INSM1: variants seen among roughly 807,000 people sequenced by gnomAD.
INSM1 encodes INSM transcriptional repressor 1.
INSM1 carries 11 observed loss-of-function variants against 21.1 expected under a neutral mutation model. The ratio of observed to expected loss-of-function variants is 0.52; its 90% CI spans 0.33 to 0.86. INSM1 has a LOEUF of 0.86. INSM1 is among the 40% of genes least tolerant of loss of function. The probability of loss-of-function intolerance (pLI) is 0.03; values close to 1 mark genes in which losing one functional copy is unlikely to be tolerated. For synonymous variants in INSM1, 473 were observed against 386.1 expected (o/e 1.23, Z -2.64); for missense variants, 843 against 760.1 (o/e 1.11, Z -1.28).
Position 20,370,645 on chromosome 20 carries a change from G to GC in INSM1, c.*850dup, listed in dbSNP as rs1407723417. ...TGATTGCAGATTTTTTTGGCGCGCT[G>GC]CCCCCTCCCCACCCTGCCACTCTTG... On this transcript the variant is annotated 3_prime_UTR_variant, in exon 1 of 1. Coordinates refer to ENST00000310227, the MANE Select transcript of INSM1 (RefSeq NM_002196.3). 6.0e-6 allele frequency: 1 copy of GC among 166,776 alleles called. No homozygotes were observed. The highest frequency in any genetic ancestry group is 2.4e-5 in the African/African-American group (1 of 41,372). The allele number at this position is 166,776 out of a possible 1,614,324, so 10.3% of individuals were successfully genotyped here.
rs1731225265 is a variant in INSM1 at position 20,368,841 on chromosome 20, G to T, written c.574G>T (p.Ala192Ser). ...GGGCCCCGGCCCCCCACTGCCCCCT[G>T]CCGCCGCCCTGCGGCCCCCGGGAAA... is the stretch of plus-strand genomic sequence containing the variant. ...GPGPGPPLPPAAALRPPGKRP... is the reference protein window; with the variant it reads ...GPGPGPPLPPSAALRPPGKRP... The change falls in exon 1 of 1, where the codon GCC (alanine) becomes TCC (serine). Residue 192 changes from alanine to serine, a missense_variant. Transcript: ENST00000310227. The surrounding 1 kb of genome is among the most constrained non-coding windows in gnomAD (Gnocchi z 4.3). 7.8e-7 allele frequency: 1 copy of T among 1,277,010 alleles called. No individual in the cohort carries two copies. The highest frequency in any genetic ancestry group is 1.6e-5 in the African/African-American group (1 of 63,100). 79.1% of individuals were successfully genotyped at this position (1,277,010 alleles called of 1,614,324 possible).
rs1249990516 is a variant in INSM1, at chr20:20,368,212, G to A, written c.-56G>A. On this transcript the variant is annotated 5_prime_UTR_variant, in exon 1 of 1. Coordinates refer to ENST00000310227, the MANE Select transcript of INSM1 (RefSeq NM_002196.3). This position sits in a 1 kb window ranked among gnomAD's most constrained non-coding sequence, Gnocchi z 4.3. ...TGGGCCGGGGGCACTGAGGGCCGCC[G>A]GGGCCGAGCGCGGAGGGGGGACCGA... 7.5e-6 allele frequency: 8 copies of A among 1,061,966 alleles called. No homozygotes were observed. Among genetic ancestry groups the A allele is most frequent in the African/African-American group, 5.1e-5 (3 of 58,494 alleles). 65.8% of individuals were successfully genotyped at this position (1,061,966 alleles called of 1,614,324 possible).
Position 20,368,350 on chromosome 20 carries a change from G to T in INSM1, c.83G>T (p.Arg28Leu). The change falls in exon 1 of 1, where the codon CGC (arginine) becomes CTC (leucine). Residue 28 changes from arginine (R) to leucine (L), a missense_variant. Arg to Leu is a moderately radical substitution (Grantham distance 102). Transcript: ENST00000310227. This position sits in a 1 kb window ranked among gnomAD's most constrained non-coding sequence, Gnocchi z 4.3. ...YRVRGGEDGD[R>L]ALLLSPSCGG... ...GTCCGCGGCGGCGAGGACGGCGACC[G>T]CGCACTGCTGCTCTCGCCCAGCTGC... 1 of 1,238,064 alleles carries T rather than the reference G, an allele frequency of 8.1e-7. No homozygotes were observed. Among genetic ancestry groups the T allele is most frequent in the South Asian group, 1.7e-5 (1 of 59,248 alleles). The allele number at this position is 1,238,064 out of a possible 1,614,324, so 76.7% of individuals were successfully genotyped here.
Position 20,369,992 on chromosome 20 carries a change from T to C in INSM1, c.*192T>C. On this transcript the variant is annotated 3_prime_UTR_variant, in exon 1 of 1. Transcript: ENST00000310227. The surrounding 1 kb of genome is among the most constrained non-coding windows in gnomAD (Gnocchi z 5.6). Reference sequence around the variant, plus strand: ...CCCATACTCTCCTTTTGACTCCTTTTGGAACCCCCACTTTTACGTTGTGTC... The same window carrying C: ...CCCATACTCTCCTTTTGACTCCTTTCGGAACCCCCACTTTTACGTTGTGTC... 1.8e-6 allele frequency: 1 copy of C among 554,310 alleles called. No homozygotes were observed. Among genetic ancestry groups the C allele is most frequent in the Non-Finnish European group, 3.2e-6 (1 of 312,146 alleles). The allele number at this position is 554,310 out of a possible 1,614,324, so 34.3% of individuals were successfully genotyped here.
In INSM1 at chr20:20,368,423, G is replaced by T. The variant is rs1466221425; in HGVS notation, c.156G>T (p.Pro52=). ...EPPAPSPVPG[P]LPPPPPAERA... is the part of the protein sequence containing the mutation. ...CGGCGCCGAGCCCGGTCCCCGGGCC[G>T]CTGCCGCCGCCGCCGCCCGCGGAGC... is the stretch of plus-strand genomic sequence containing the variant. The change falls in exon 1 of 1, where the codon CCG becomes CCT. Residue 52 remains proline, a synonymous_variant. Transcript: ENST00000310227. The surrounding 1 kb of genome is among the most constrained non-coding windows in gnomAD (Gnocchi z 4.3). 1.0e-6 allele frequency: 1 copy of T among 988,966 alleles called. No homozygotes were observed. Among genetic ancestry groups the T allele is most frequent in the African/African-American group, 1.8e-5 (1 of 56,648 alleles). 61.3% of individuals were successfully genotyped at this position (988,966 alleles called of 1,614,324 possible).
Position 20,369,534 on chromosome 20 carries a change from G to A in INSM1, c.1267G>A (p.Ala423Thr). Residue 423 changes from alanine to threonine, a missense_variant, in exon 1 of 1, where the codon GCC becomes ACC. By Grantham distance (58) the Ala-to-Thr change is moderately conservative. Coordinates refer to ENST00000310227, the MANE Select transcript of INSM1 (RefSeq NM_002196.3). This position sits in a 1 kb window ranked among gnomAD's most constrained non-coding sequence, Gnocchi z 5.6. ...GPDEKAPQEA[A>T]GDGEGAGVLG... ...CGACGAGAAGGCGCCCCAGGAGGCGGCCGGCGACGGCGAGGGGGCCGGCGT... is the reference window on the plus strand; with the variant it reads ...CGACGAGAAGGCGCCCCAGGAGGCGACCGGCGACGGCGAGGGGGCCGGCGT... 1 of 1,562,322 alleles carries A rather than the reference G, an allele frequency of 6.4e-7. No individual in the cohort carries two copies. The highest frequency in any genetic ancestry group is 8.6e-7 in the Non-Finnish European group (1 of 1,162,682).
Position 20,368,231 on chromosome 20 carries a change from G to A in INSM1, c.-37G>A. 1 of 1,107,540 alleles carries A rather than the reference G, an allele frequency of 9.0e-7. No individual in the cohort carries two copies. Among genetic ancestry groups the A allele is most frequent in the Non-Finnish European group, 1.1e-6 (1 of 906,248 alleles). 68.6% of individuals were successfully genotyped at this position (1,107,540 alleles called of 1,614,324 possible). ...GCCGCCGGGGCCGAGCGCGGAGGGG[G>A]GACCGAGCCAGTGCCGTGCCCTCGG... On this transcript the variant is annotated 5_prime_UTR_variant, in exon 1 of 1. Coordinates refer to ENST00000310227, the MANE Select transcript of INSM1 (RefSeq NM_002196.3). This position sits in a 1 kb window ranked among gnomAD's most constrained non-coding sequence, Gnocchi z 4.3.
Position 20,369,141 on chromosome 20 carries a change from C to T in INSM1, c.874C>T (p.Arg292Cys). The change falls in exon 1 of 1, where the codon CGT becomes TGT. Residue 292 changes from arginine (R) to cysteine (C), a missense_variant. Coordinates refer to ENST00000310227, the MANE Select transcript of INSM1 (RefSeq NM_002196.3). The surrounding 1 kb of genome is among the most constrained non-coding windows in gnomAD (Gnocchi z 5.6). ...GCAGCACAAATGCTCGCGCATCGTG[C>T]GTGTGGAGTACCGCTGTCCCGAGTG... Reference protein sequence around the residue: ...LAQHKCSRIVRVEYRCPECAK... With the variant: ...LAQHKCSRIVCVEYRCPECAK... The T allele has an allele frequency of 1.3e-6, 2 of 1,586,000 alleles. No individual in the cohort carries two copies. Among genetic ancestry groups the T allele is most frequent in the Admixed American group, 3.4e-5 (2 of 58,456 alleles).
rs2059486606 is a variant in INSM1 at position 20,368,819 on chromosome 20, C to T, written c.552C>T (p.Gly184=). ...GCGCCGAGGCGGCCCGCGGCCCGGG[C>T]CCCGGCCCCCCACTGCCCCCTGCCG... ...SAGAEAARGP[G]PGPPLPPAAA... is the part of the protein sequence containing the mutation. The change falls in exon 1 of 1, where the codon GGC becomes GGT. Residue 184 remains glycine, a synonymous_variant. Transcript: ENST00000310227. This position sits in a 1 kb window ranked among gnomAD's most constrained non-coding sequence, Gnocchi z 4.3. 7 of 1,110,966 alleles carry T rather than the reference C, an allele frequency of 6.3e-6. No homozygotes were observed. The East Asian group carries it at 2.4e-4, about 38-fold the overall frequency. The allele number at this position is 1,110,966 out of a possible 1,614,324, so 68.8% of individuals were successfully genotyped here.
Position 20,369,234 on chromosome 20 carries a change from C to CCCG in INSM1, c.976_978dup (p.Ala326dup). The CCCG allele has an allele frequency of 6.9e-7, 1 of 1,449,630 alleles. No individual in the cohort carries two copies. The highest frequency in any genetic ancestry group is 3.0e-5 in the East Asian group (1 of 33,534). The allele number at this position is 1,449,630 out of a possible 1,614,324, so 89.8% of individuals were successfully genotyped here. ...CCGCTGGCACAAACCGCGGCCCGCGCCCGCCGCCGCCCGCGCGCCGGAGCC... is the reference window on the plus strand; with the variant it reads ...CCGCTGGCACAAACCGCGGCCCGCGCCCGCCGCCGCCGCCCGCGCGCCGGAGCC... On this transcript the variant is annotated inframe_insertion, in exon 1 of 1. Transcript: ENST00000310227. This position sits in a 1 kb window ranked among gnomAD's most constrained non-coding sequence, Gnocchi z 5.6.
chr20:20,369,692 G>A lies in INSM1; in HGVS notation c.1425G>A (p.Pro475=). 2 of 1,600,830 alleles carry A rather than the reference G, an allele frequency of 1.2e-6. No individual in the cohort carries two copies. Among genetic ancestry groups the A allele is most frequent in the Non-Finnish European group, 1.7e-6 (2 of 1,179,826 alleles). Residue 475 remains proline (P), a synonymous_variant, in exon 1 of 1, where the codon CCG becomes CCA. Transcript: ENST00000310227. The surrounding 1 kb of genome is among the most constrained non-coding windows in gnomAD (Gnocchi z 5.6). The stretch of plus-strand genomic sequence containing the variant: ...AGGTGTTCCCCTGCAAGTACTGCCC[G>A]GCCACCTTCTACAGCTCGCCCGGCC... ...AAQVFPCKYC[P]ATFYSSPGLT...
chr20:20,368,149 G>T lies in INSM1; in HGVS notation c.-119G>T. The T allele has an allele frequency of 1.3e-6, 1 of 744,382 alleles. No homozygotes were observed. The highest frequency in any genetic ancestry group is 1.7e-6 in the Non-Finnish European group (1 of 599,770). 46.1% of individuals were successfully genotyped at this position (744,382 alleles called of 1,614,324 possible). ...CGCAGAGCTGGGCCGAGCCGTCGCC[G>T]GCGCCACGCGAGTCCCGCAGCCGCC... On this transcript the variant is annotated 5_prime_UTR_variant, in exon 1 of 1. Coordinates refer to ENST00000310227, the MANE Select transcript of INSM1 (RefSeq NM_002196.3). This position sits in a 1 kb window ranked among gnomAD's most constrained non-coding sequence, Gnocchi z 4.3.
Position 20,368,256 on chromosome 20 carries a change from G to T in INSM1, c.-12G>T. Reference sequence around the variant, plus strand: ...GGACCGAGCCAGTGCCGTGCCCTCGGGCCGCGCCAACATGCCCCGCGGCTT... The same window carrying T: ...GGACCGAGCCAGTGCCGTGCCCTCGTGCCGCGCCAACATGCCCCGCGGCTT... On this transcript the variant is annotated 5_prime_UTR_variant, in exon 1 of 1. Coordinates refer to ENST00000310227, the MANE Select transcript of INSM1 (RefSeq NM_002196.3). This position sits in a 1 kb window ranked among gnomAD's most constrained non-coding sequence, Gnocchi z 4.3. 8.1e-7 allele frequency: 1 copy of T among 1,235,316 alleles called. No individual in the cohort carries two copies. Among genetic ancestry groups the T allele is most frequent in the Non-Finnish European group, 1.0e-6 (1 of 974,798 alleles). 76.5% of individuals were successfully genotyped at this position (1,235,316 alleles called of 1,614,324 possible).
In INSM1 at chr20:20,369,173, G is replaced by A. The variant is rs1218765624; in HGVS notation, c.906G>A (p.Lys302=). 1 of 1,570,754 alleles carries A rather than the reference G, an allele frequency of 6.4e-7. No homozygotes were observed. The highest frequency in any genetic ancestry group is 8.6e-7 in the Non-Finnish European group (1 of 1,166,122). ...AGTACCGCTGTCCCGAGTGCGCCAA[G>A]GTCTTCAGCTGCCCGGCCAACCTGG... The part of the protein sequence containing the change: ...RVEYRCPECA[K]VFSCPANLAS... Residue 302 remains lysine, a synonymous_variant, in exon 1 of 1, where the codon AAG becomes AAA. Coordinates refer to ENST00000310227, the MANE Select transcript of INSM1 (RefSeq NM_002196.3). This position sits in a 1 kb window ranked among gnomAD's most constrained non-coding sequence, Gnocchi z 5.6.
rs1370903200 is a variant in INSM1, at chr20:20,370,591, A to G, written c.*791A>G. 1 of 166,928 alleles carries G rather than the reference A, an allele frequency of 6.0e-6. No individual in the cohort carries two copies. The highest frequency in any genetic ancestry group is 1.5e-5 in the Non-Finnish European group (1 of 68,102). The allele number at this position is 166,928 out of a possible 1,614,324, so 10.3% of individuals were successfully genotyped here. On this transcript the variant is annotated 3_prime_UTR_variant, in exon 1 of 1. Coordinates refer to ENST00000310227, the MANE Select transcript of INSM1 (RefSeq NM_002196.3). ...ATTGTTATTTATTCTTTATTTATTT[A>G]TATTAATTATGAAGATTATGATATT... is the stretch of plus-strand genomic sequence containing the variant.
Position 20,368,622 on chromosome 20 carries a change from A to T in INSM1, c.355A>T (p.Ser119Cys), listed in dbSNP as rs768352087. The change falls in exon 1 of 1, where the codon AGC becomes TGC. Residue 119 changes from serine to cysteine, a missense_variant. Coordinates refer to ENST00000310227, the MANE Select transcript of INSM1 (RefSeq NM_002196.3). The surrounding 1 kb of genome is among the most constrained non-coding windows in gnomAD (Gnocchi z 4.3). The stretch of plus-strand genomic sequence containing the variant: ...CGAGAAGCACAAGTACTTCGAACGC[A>T]GCTTCAACCTGGGCTCGCCGGTCTC... ...EHEKHKYFERSFNLGSPVSAE... is the reference protein window; with the variant it reads ...EHEKHKYFERCFNLGSPVSAE... The T allele has an allele frequency of 1.0e-5, 15 of 1,461,904 alleles. No homozygotes were observed. Among genetic ancestry groups the T allele is most frequent in the Non-Finnish European group, 1.4e-5 (15 of 1,093,770 alleles). The allele number at this position is 1,461,904 out of a possible 1,614,324, so 90.6% of individuals were successfully genotyped here.
rs2059486823 is a variant in INSM1, at chr20:20,368,844, G to A, written c.577G>A (p.Ala193Thr). 6.3e-6 allele frequency: 8 copies of A among 1,279,542 alleles called. No homozygotes were observed. The South Asian group carries it at 8.2e-5, about 13-fold the overall frequency. 79.3% of individuals were successfully genotyped at this position (1,279,542 alleles called of 1,614,324 possible). A position where few individuals can be genotyped will look rare whatever the true frequency, so the allele number is the denominator to read the frequency against. Residue 193 changes from alanine to threonine, a missense_variant, in exon 1 of 1, where the codon GCC (alanine) becomes ACC (threonine). Ala to Thr is a moderately conservative substitution (Grantham distance 58). Transcript: ENST00000310227. The surrounding 1 kb of genome is among the most constrained non-coding windows in gnomAD (Gnocchi z 4.3). The stretch of plus-strand genomic sequence containing the variant: ...CCCCGGCCCCCCACTGCCCCCTGCC[G>A]CCGCCCTGCGGCCCCCGGGAAAGCG... ...PGPGPPLPPA[A>T]ALRPPGKRPP...
Position 20,370,915 on chromosome 20 carries a change from A to AT in INSM1, c.*1118dup, listed in dbSNP as rs1450439586. On this transcript the variant is annotated 3_prime_UTR_variant, in exon 1 of 1. Transcript: ENST00000310227. The stretch of plus-strand genomic sequence containing the variant: ...ATAGAACTGTTTCAACTGTATAACT[A>AT]TTTACTATTCAAATAAAATATTTTC... 1 of 166,932 alleles carries AT rather than the reference A, an allele frequency of 6.0e-6. No individual in the cohort carries two copies. The highest frequency in any genetic ancestry group is 6.5e-5 in the Admixed American group (1 of 15,292). The allele number at this position is 166,932 out of a possible 1,614,324, so 10.3% of individuals were successfully genotyped here.
chr20:20,368,227 G>C lies in INSM1; in HGVS notation c.-41G>C, dbSNP rs773673218. The C allele has an allele frequency of 9.1e-7, 1 of 1,097,326 alleles. No homozygotes were observed. Among genetic ancestry groups the C allele is most frequent in the Non-Finnish European group, 1.1e-6 (1 of 900,158 alleles). The allele number at this position is 1,097,326 out of a possible 1,614,324, so 68.0% of individuals were successfully genotyped here. On this transcript the variant is annotated 5_prime_UTR_variant, in exon 1 of 1. Transcript: ENST00000310227. This position sits in a 1 kb window ranked among gnomAD's most constrained non-coding sequence, Gnocchi z 4.3. ...GAGGGCCGCCGGGGCCGAGCGCGGA[G>C]GGGGGACCGAGCCAGTGCCGTGCCC...
Sources: allele counts gnomAD v4.1 joint callset, GRCh38; gene constraint gnomAD v4.1.1; non-coding constraint Gnocchi (gnomAD v3.1); transcripts MANE v1.5; gene names NCBI Gene and HGNC (gene_info 2026-07-23, HGNC 2026-07-21).